Variants in RNF130 observed in about 807,000 individuals in gnomAD.
RNF130 encodes the protein E3 ubiquitin-protein ligase RNF130.
A neutral mutation model predicts 44.6 loss-of-function variants in RNF130; 21 were observed. The ratio of observed to expected loss-of-function variants is 0.47; its 90% confidence interval spans 0.33 to 0.68. The LOEUF (loss-of-function observed/expected upper bound fraction) is 0.68, where lower values mean the gene tolerates loss of function less well. Among genes scored for constraint, RNF130 ranks in the 30% least tolerant of loss-of-function variants. The pLI is 0.02. For synonymous variants in RNF130, 214 were observed against 210.4 expected, an observed-to-expected ratio of 1.02 and a Z score of -0.15; for missense variants, 479 against 560.6, an observed-to-expected ratio of 0.85 and a Z score of 1.47.
intron 1 of RNF130, among the ~76,000 whole-genome samples, chr5:180,047,846 G>A (rs1764603146): frequency 6.6e-6 from 1 of 152,098 alleles, no homozygotes; most frequent in South Asian, 2.1e-4. Flanking sequence ...ACTTCCTCCA[G>A]GCTTTCCTCC....
At chr5:179,948,359 C>T (rs1762074518) in intron 7 of RNF130, among the ~76,000 whole-genome samples, 1 of 152,162 alleles carries the variant, frequency 6.6e-6, no homozygotes, top group Non-Finnish European at 1.5e-5. Context: ...TTCACCGGGA[C>T]TCTATTCTTT....
intron 7 of RNF130, chr5:179,939,660 G>A (rs1281038441): frequency 2.4e-5 from 11 of 463,590 alleles, no homozygotes; most frequent in Admixed American, 1.3e-4. Flanking sequence ...GTGAGGCCCT[G>A]TGACCTAGTG....
intron 7 of RNF130, among the ~76,000 whole-genome samples, chr5:179,937,117 C>T (rs1254211226): frequency 6.7e-6 from 1 of 148,812 alleles, no homozygotes; most frequent in Non-Finnish European, 1.5e-5. Context: ...GAAATATCAT[C>T]AAAACGAAAT....
rs943472092 is a variant in RNF130, at chr5:180,023,018, G to T, written c.443-9707C>A. Among the ~76,000 whole-genome samples, 4 of 152,172 alleles carry T rather than the reference G, an allele frequency of 2.6e-5. No homozygotes were observed. The East Asian group carries it at 5.8e-4, about 22-fold the overall frequency. On this transcript the variant is annotated intron_variant, in intron 2 of 8. Coordinates refer to ENST00000521389, the MANE Select transcript of RNF130 (RefSeq NM_018434.6). ...CTTCAAATCTGTTATTTACATTAAA[G>T]AATTTATAAATCTGAGAGTTCAGTG...
chr5:179,933,918 G>A, intron 7 of RNF130: 1 of 578,332 alleles, frequency 1.7e-6, no homozygotes, highest in Non-Finnish European at 3.2e-6. Context: ...CAGAATGGGA[G>A]CAGACTGTTC....
At chr5:180,062,645 A>C (rs915421654) in intron 1 of RNF130, among the ~76,000 whole-genome samples, 4 of 152,240 alleles carry the variant, frequency 2.6e-5, no homozygotes, top group Non-Finnish European at 5.9e-5. Flanking sequence ...GAATCAGACA[A>C]GGAAAGTGTC....
chr5:180,040,614 C>A lies in RNF130; in HGVS notation c.281G>T (p.Arg94Leu), dbSNP rs916169285. Residue 94 changes from arginine (R) to leucine (L), a missense_variant, in exon 2 of 9, where the codon CGG becomes CTG. Arg to Leu is a moderately radical substitution (Grantham distance 102). This residue lies in a region of RNF130 where 180 missense variants were observed against 275.1 expected (regional missense o/e 0.65). Coordinates refer to ENST00000521389, the MANE Select transcript of RNF130 (RefSeq NM_018434.6). ...TTTGATATTAGGAGGGACAAAGAAC[C>A]GGGTTTGTGGATCACAGCCCAGATG... ...ADHLGCDPQT[R>L]FFVPPNIKQW... 6 of 1,613,880 alleles carry A rather than the reference C, an allele frequency of 3.7e-6. No homozygotes were observed. Among genetic ancestry groups the A allele is most frequent in the Non-Finnish European group, 4.2e-6 (5 of 1,179,960 alleles).
chr5:180,043,648 A>C (rs1764479768), intron 1 of RNF130, among the ~76,000 whole-genome samples: 1 of 152,202 alleles, frequency 6.6e-6, no homozygotes, highest in Non-Finnish European at 1.5e-5. Context: ...CCACAGAGCA[A>C]AAGTTATCAA....
At chr5:180,044,327 T>C (rs1228558556) in intron 1 of RNF130, among the ~76,000 whole-genome samples, 4 of 152,166 alleles carry the variant, frequency 2.6e-5, no homozygotes, top group East Asian at 1.9e-4. Flanking sequence ...TAATACAAAA[T>C]ATTTTACTAC....
chr5:179,926,518 G>A (rs193199991), intron 7 of RNF130, among the ~76,000 whole-genome samples: 81 of 146,304 alleles, frequency 5.5e-4, no homozygotes, highest in Non-Finnish European at 8.9e-4. Flanking sequence ...GTGTGGTGGC[G>A]CATGCCTGTA....
intron 7 of RNF130, chr5:179,933,908 C>T (rs1289571652): frequency 6.5e-6 from 4 of 614,214 alleles, no homozygotes; most frequent in Non-Finnish European, 1.2e-5. Context: ...TCCAAACTGT[C>T]AGAATGGGAG....
chr5:180,057,265 C>G (rs7729516), intron 1 of RNF130, among the ~76,000 whole-genome samples: 127,663 of 152,282 alleles, frequency 0.84, 53,788 homozygotes, highest in South Asian at 0.94. Context: ...ATGTCTGTGT[C>G]GGGGTGGGCA....
intron 8 of RNF130, among the ~76,000 whole-genome samples, chr5:179,960,940 A>C (rs1287007716): frequency 1.3e-5 from 2 of 152,190 alleles, no homozygotes; most frequent in Non-Finnish European, 2.9e-5. Context: ...TTAATAACGA[A>C]TAATTACAAA....
At position 179,975,326 on chromosome 5, in the gene RNF130, G is replaced by T. The variant is rs933593504; in HGVS notation, c.848+2877C>A. Among the ~76,000 whole-genome samples the T allele has an allele frequency of 6.3e-4, 96 of 152,196 alleles. 3 individuals are homozygous for T. Among genetic ancestry groups the T allele is most frequent in the Non-Finnish European group, 1.0e-4 (7 of 68,030 alleles). On this transcript the variant is annotated intron_variant, in intron 5 of 8. Transcript: ENST00000521389. ...ATCCTCAGCTCAGCGGTTCTCATCT[G>T]GAGGCAGTTTTGGTTGTCACAACTG...
At chr5:179,986,824 A>AT (rs1400682117) in intron 3 of RNF130, among the ~76,000 whole-genome samples, 1 of 151,950 alleles carries the variant, frequency 6.6e-6, no homozygotes, top group African/African-American at 2.4e-5. Flanking sequence ...ATATTTCTCC[A>AT]TTTTTCTGTG....
intron 7 of RNF130, among the ~76,000 whole-genome samples, chr5:179,947,570 C>A (rs1005275804): frequency 1.3e-5 from 2 of 152,348 alleles, no homozygotes; most frequent in East Asian, 1.9e-4. Flanking sequence ...ACCAGCAGGG[C>A]AACCTTGGCA....
intron 2 of RNF130, among the ~76,000 whole-genome samples, chr5:180,034,214 A>C (rs905817759): frequency 5.3e-5 from 8 of 151,846 alleles, no homozygotes; most frequent in Non-Finnish European, 1.0e-4. Context: ...AAAAAAAAAA[A>C]CCATATATCC....
At chr5:179,989,684 G>C (rs894796265) in intron 3 of RNF130, among the ~76,000 whole-genome samples, 1 of 152,102 alleles carries the variant, frequency 6.6e-6, no homozygotes, top group Non-Finnish European at 1.5e-5. Flanking sequence ...ATTCAGTCAG[G>C]CTGTATCTTT....
chr5:179,989,046 A>G (rs190837155), intron 3 of RNF130, among the ~76,000 whole-genome samples: 7 of 152,324 alleles, frequency 4.6e-5, no homozygotes. Context: ...AAGAGGTTTA[A>G]TCAACTCAGT....
Sources: allele counts gnomAD v4.1 joint callset (sites outside exome capture counted in the v4.1 genomes callset), GRCh38; gene constraint gnomAD v4.1.1; regional missense constraint gnomAD v4.1.1; transcripts MANE v1.5; gene names NCBI Gene and HGNC (gene_info 2026-07-23, HGNC 2026-07-21).